LIX1: variants seen among roughly 807,000 people sequenced by gnomAD.
The protein encoded by LIX1 is limb and CNS expressed 1, also known as protein limb expression 1 homolog.
LIX1 carries 24 observed loss-of-function variants against 33.4 expected under a neutral mutation model. That is an observed-to-expected ratio of 0.72 (90% CI 0.52 to 1.01). The LOEUF (loss-of-function observed/expected upper bound fraction) is 1.01, where lower values mean the gene tolerates loss of function less well. Ranked by LOEUF, LIX1 falls within the 50% of genes least tolerant of loss-of-function variation. LIX1 has a pLI of 0.00. For synonymous variants in LIX1, 124 were observed against 124.0 expected, an observed-to-expected ratio of 1.00 and a Z score of 0.00; for missense variants, 311 against 339.2, an observed-to-expected ratio of 0.92 and a Z score of 0.65.
chr5:97,139,725 A>G (rs879702850), intron 1 of LIX1, among the ~76,000 whole-genome samples: 1 of 152,230 alleles, frequency 6.6e-6, no homozygotes, highest in South Asian at 2.1e-4. Context: ...ACAAATTTCA[A>G]ATTGGGAGTC....
At chr5:97,123,410 C>T (rs1047094136) in intron 2 of LIX1, among the ~76,000 whole-genome samples, 1 of 152,184 alleles carries the variant, frequency 6.6e-6, no homozygotes, top group African/African-American at 2.4e-5. Context: ...CAGGGCTGAC[C>T]ACTGGTAAAG....
In LIX1 at chr5:97,094,908, C is replaced by T. The variant is rs774595187; in HGVS notation, c.689G>A (p.Arg230Lys). The T allele has an allele frequency of 1.2e-6, 2 of 1,614,172 alleles. No homozygotes were observed. Among genetic ancestry groups the T allele is most frequent in the East Asian group, 2.2e-5 (1 of 44,882 alleles). The change falls in exon 6 of 6, where the codon AGG (arginine) becomes AAG (lysine). Residue 230 changes from arginine to lysine, a missense_variant. Coordinates refer to ENST00000274382, the MANE Select transcript of LIX1 (RefSeq NM_153234.5). ...IVSQELRMAL[R>K]QLEEARKAGQ... ...TGCTTTCCTGGCTTCCTCCAACTGCCTCAGGGCCATTCGTAGCTCTTGAGA... is the reference window on the plus strand; with the variant it reads ...TGCTTTCCTGGCTTCCTCCAACTGCTTCAGGGCCATTCGTAGCTCTTGAGA...
chr5:97,100,219 C>G (rs1036238068), intron 4 of LIX1, among the ~76,000 whole-genome samples: 16 of 152,210 alleles, frequency 1.1e-4, no homozygotes, highest in African/African-American at 2.7e-4. Context: ...TCTCATGCCC[C>G]TTGACAACCT....
At chr5:97,130,151 C>T (rs1422857286) in intron 1 of LIX1, among the ~76,000 whole-genome samples, 1 of 152,098 alleles carries the variant, frequency 6.6e-6, no homozygotes, top group Non-Finnish European at 1.5e-5. Context: ...TCATTCCAGC[C>T]CTTTCTTTCA....
At chr5:97,101,285 C>G (rs1304625856) in intron 4 of LIX1, among the ~76,000 whole-genome samples, 1 of 152,064 alleles carries the variant, frequency 6.6e-6, no homozygotes, top group Non-Finnish European at 1.5e-5. Flanking sequence ...CAATTTTGTA[C>G]CCAAGAGAAA....
At chr5:97,113,170 C>CA (rs1245367955) in intron 2 of LIX1, among the ~76,000 whole-genome samples, 1 of 152,156 alleles carries the variant, frequency 6.6e-6, no homozygotes, top group Non-Finnish European at 1.5e-5. Context: ...AGCCTTCTGC[C>CA]AGCAGCCATC....
At chr5:97,119,743 C>CT (rs1242186991) in intron 2 of LIX1, among the ~76,000 whole-genome samples, 10 of 148,008 alleles carry the variant, frequency 6.8e-5, no homozygotes, top group East Asian at 3.9e-4. Context: ...TATTTCTTTT[C>CT]TTTTTTTTTT....
At chr5:97,107,245 A>T (rs1321707876) in intron 3 of LIX1, 115 bp downstream of exon 3, 12 of 1,088,422 alleles carry the variant, frequency 1.1e-5, no homozygotes, top group Non-Finnish European at 1.6e-5. Flanking sequence ...GTGGGTAAAA[A>T]TTGAATCTAC....
intron 4 of LIX1, among the ~76,000 whole-genome samples, chr5:97,101,353 G>A (rs771470699): frequency 6.6e-6 from 1 of 152,138 alleles, no homozygotes; most frequent in African/African-American, 2.4e-5. Flanking sequence ...TCAGGGGCAA[G>A]CCCAGCTTCA....
chr5:97,139,232 A>G (rs1468348258), intron 1 of LIX1, among the ~76,000 whole-genome samples: 1 of 152,200 alleles, frequency 6.6e-6, no homozygotes, highest in African/African-American at 2.4e-5. Flanking sequence ...TTACTAGCTT[A>G]CTGTGAAGAA....
intron 1 of LIX1, among the ~76,000 whole-genome samples, chr5:97,126,360 G>A (rs1421242148): frequency 6.6e-6 from 1 of 152,164 alleles, no homozygotes; most frequent in African/African-American, 2.4e-5. Flanking sequence ...TAGAGCACTA[G>A]GTGTCTGCAC....
At chr5:97,107,633 T>A in intron 2 of LIX1, 133 bp from the exon 3 acceptor site, 1 of 948,960 alleles carries the variant, frequency 1.1e-6, no homozygotes, top group Non-Finnish European at 1.5e-6. Flanking sequence ...TATACATTGC[T>A]AATTTCCCTG....
intron 1 of LIX1, among the ~76,000 whole-genome samples, chr5:97,136,050 T>C (rs1381912670): frequency 6.6e-6 from 1 of 152,222 alleles, no homozygotes; most frequent in Non-Finnish European, 1.5e-5. Context: ...CCAGGGTTTA[T>C]GCACAAGGCA....
chr5:97,120,495 C>T (rs1483422414), intron 2 of LIX1, among the ~76,000 whole-genome samples: 1 of 152,124 alleles, frequency 6.6e-6, no homozygotes, highest in Non-Finnish European at 1.5e-5. Flanking sequence ...GAGAACACTG[C>T]TTTGGGAAAT....
Position 97,136,699 on chromosome 5 carries a change from C to G in LIX1, c.82+5796G>C, listed in dbSNP as rs539089120. Among the ~76,000 whole-genome samples the G allele has an allele frequency of 2.6e-5, 4 of 151,782 alleles. No homozygotes were observed. In the East Asian group the frequency reaches 5.8e-4, roughly 22 times the overall value. On this transcript the variant is annotated intron_variant, in intron 1 of 5. Coordinates refer to ENST00000274382, the MANE Select transcript of LIX1 (RefSeq NM_153234.5). ...ATGATGGTTTCTCACAGCTGCTTAACGGGATGAGATCAAAATAGGGATCAA... is the reference window on the plus strand; with the variant it reads ...ATGATGGTTTCTCACAGCTGCTTAAGGGGATGAGATCAAAATAGGGATCAA...
At chr5:97,118,663 G>A (rs939897600) in intron 2 of LIX1, among the ~76,000 whole-genome samples, 3 of 151,966 alleles carry the variant, frequency 2.0e-5, no homozygotes, top group Non-Finnish European at 4.4e-5. Context: ...GATCCAATAA[G>A]TACTAATGTG....
chr5:97,137,497 T>C (rs1177478312), intron 1 of LIX1, among the ~76,000 whole-genome samples: 1 of 152,042 alleles, frequency 6.6e-6, no homozygotes, highest in Non-Finnish European at 1.5e-5. Flanking sequence ...TCTTATGCCA[T>C]TGATAGCTGT....
At chr5:97,098,779 G>C (rs1007067458) in intron 4 of LIX1, among the ~76,000 whole-genome samples, 6 of 152,078 alleles carry the variant, frequency 3.9e-5, no homozygotes, top group Admixed American at 2.0e-4. Context: ...TTGGGAAGAG[G>C]TTCTCTTATG....
intron 2 of LIX1, among the ~76,000 whole-genome samples, chr5:97,111,469 G>A (rs772338317): frequency 9.2e-5 from 14 of 152,196 alleles, no homozygotes; most frequent in Non-Finnish European, 1.9e-4. Flanking sequence ...TTGCCTGAGC[G>A]TAGGGTATGT....
Sources: allele counts gnomAD v4.1 joint callset (sites outside exome capture counted in the v4.1 genomes callset), GRCh38; gene constraint gnomAD v4.1.1; transcripts MANE v1.5; gene names NCBI Gene and HGNC (gene_info 2026-07-23, HGNC 2026-07-21).